The following ATP2B1 variants were observed in gnomAD, a reference collection of about 807,000 sequenced individuals.
ATP2B1 encodes plasma membrane calcium-transporting ATPase 1.
In ATP2B1, 14 loss-of-function variants were observed where a neutral mutation model predicts 124.2. That is an observed-to-expected ratio of 0.11 (90% CI 0.07 to 0.18). The LOEUF is 0.18. Ranked by LOEUF, ATP2B1 falls within the 10% of genes least tolerant of loss-of-function variation. The probability of loss-of-function intolerance (pLI) is 1.00; values close to 1 mark genes in which losing one functional copy is unlikely to be tolerated. For synonymous variants in ATP2B1, 449 were observed against 492.4 expected (o/e 0.91, Z 1.17); for missense variants, 763 against 1,466.1 (o/e 0.52, Z 7.83).
intron 9 of ATP2B1, among the ~76,000 whole-genome samples, chr12:89,622,949 G>GT (rs1449903187): frequency 5.3e-5 from 8 of 152,114 alleles, no homozygotes; most frequent in Non-Finnish European, 1.0e-4. Context: ...ACTAATGGCA[G>GT]TTCGGTAAAA....
At chr12:89,598,389 T>C (rs1319381935) in intron 20 of ATP2B1, among the ~76,000 whole-genome samples, 3 of 152,222 alleles carry the variant, frequency 2.0e-5, no homozygotes, top group Admixed American at 2.0e-4. Context: ...TAATCTTTGG[T>C]TGCAATTGTT....
At chr12:89,699,672 G>GGTGA (rs1489511236) in intron 1 of ATP2B1, among the ~76,000 whole-genome samples, 1 of 152,144 alleles carries the variant, frequency 6.6e-6, no homozygotes, top group African/African-American at 2.4e-5. Context: ...ATTTAAATCT[G>GGTGA]GTGAGTCCTT....
intron 2 of ATP2B1, among the ~76,000 whole-genome samples, chr12:89,652,741 G>T (rs963344385): frequency 2.4e-4 from 37 of 151,998 alleles, no homozygotes; most frequent in African/African-American, 8.2e-4. Flanking sequence ...CTGCTGCTGT[G>T]TTTTTTTTAT....
At chr12:89,661,731 T>G (rs1328778027) in intron 1 of ATP2B1, among the ~76,000 whole-genome samples, 2 of 152,220 alleles carry the variant, frequency 1.3e-5, no homozygotes, top group Non-Finnish European at 2.9e-5. Context: ...ATCTCCATTT[T>G]CATTGTGTGT....
intron 2 of ATP2B1, chr12:89,655,455 T>C: frequency 5.6e-6 from 3 of 532,516 alleles, no homozygotes; most frequent in Admixed American, 3.1e-5. Flanking sequence ...TGGAACAAAA[T>C]ATTTCATCCC....
chr12:89,672,121 A>C (rs530193475), intron 1 of ATP2B1, among the ~76,000 whole-genome samples: 4 of 152,300 alleles, frequency 2.6e-5, no homozygotes, highest in Admixed American at 2.6e-4. Flanking sequence ...ATCCTAAGCA[A>C]ATTGCTCTAT....
chr12:89,628,759 C>A (rs1881351218), intron 6 of ATP2B1, among the ~76,000 whole-genome samples: 1 of 152,128 alleles, frequency 6.6e-6, no homozygotes, highest in Non-Finnish European at 1.5e-5. Context: ...AAACATGGAA[C>A]AAACATGGTC....
At position 89,630,619 on chromosome 12, in the gene ATP2B1, T is replaced by C; in HGVS notation, c.814A>G (p.Arg272Gly). 1 of 1,588,472 alleles carries C rather than the reference T, an allele frequency of 6.3e-7. No homozygotes were observed. Among genetic ancestry groups the C allele is most frequent in the Non-Finnish European group, 8.6e-7 (1 of 1,166,830 alleles). Residue 272 changes from arginine (R) to glycine (G), a missense_variant, in exon 6 of 21, where the codon AGA becomes GGA. This residue lies in a region of ATP2B1 where 392 missense variants were observed against 776.6 expected (regional missense o/e 0.50). Coordinates refer to ENST00000428670, the MANE Select transcript of ATP2B1 (RefSeq NM_001366521.1). ...ACACCTACAGCTGTAACTACCATTC[T>C]TCCAGAGCCTTCCATTACATGAGTA... Reference protein sequence around the residue: ...SGTHVMEGSGRMVVTAVGVNS... With the variant: ...SGTHVMEGSGGMVVTAVGVNS...
In ATP2B1 at chr12:89,675,100, G is replaced by A. The variant is rs115099515; in HGVS notation, c.-221-18993C>T. ...AATTCTTGGGAATTTTAATCCAGAAGTGTCCTGTGTTTTAGGGATCAACAA... is the reference window on the plus strand; with the variant it reads ...AATTCTTGGGAATTTTAATCCAGAAATGTCCTGTGTTTTAGGGATCAACAA... On this transcript the variant is annotated intron_variant, in intron 1 of 20. Coordinates refer to ENST00000428670, the MANE Select transcript of ATP2B1 (RefSeq NM_001366521.1). Among the ~76,000 whole-genome samples the A allele has an allele frequency of 6.1e-3, 931 of 152,176 alleles. 14 individuals carry two copies. The highest frequency in any genetic ancestry group is 0.022 in the African/African-American group (910 of 41,520).
At chr12:89,618,826 T>C (rs1327892131) in intron 11 of ATP2B1, among the ~76,000 whole-genome samples, 3 of 152,234 alleles carry the variant, frequency 2.0e-5, no homozygotes, top group Non-Finnish European at 4.4e-5. Flanking sequence ...TTTATTTATA[T>C]ATTTGTCTCT....
chr12:89,683,348 C>T (rs1889585778), intron 1 of ATP2B1, among the ~76,000 whole-genome samples: 1 of 152,238 alleles, frequency 6.6e-6, no homozygotes. Flanking sequence ...AAGAATATCA[C>T]AGAAGCAACA....
At chr12:89,619,886 G>A (rs1011508629) in intron 11 of ATP2B1, 113 bp downstream of exon 11, 40 of 1,358,798 alleles carry the variant, frequency 2.9e-5, no homozygotes, top group Non-Finnish European at 3.7e-5. Flanking sequence ...AAAACTCTGA[G>A]GTCCTATCAA....
In ATP2B1 at chr12:89,656,047, G is replaced by A. The variant is rs78268348; in HGVS notation, c.-161C>T. ...AGCATCAGCAGCAACATTTCCCAGAGAAGTATCTTGACCTTTGGCCCATGA... is the reference window on the plus strand; with the variant it reads ...AGCATCAGCAGCAACATTTCCCAGAAAAGTATCTTGACCTTTGGCCCATGA... On this transcript the variant is annotated 5_prime_UTR_variant, in exon 2 of 21. Transcript: ENST00000428670. 6 of 685,450 alleles carry A rather than the reference G, an allele frequency of 8.8e-6. No homozygotes were observed. Among genetic ancestry groups the A allele is most frequent in the Non-Finnish European group, 2.3e-6 (1 of 427,766 alleles). The allele number at this position is 685,450 out of a possible 1,614,324, so 42.5% of individuals were successfully genotyped here.
intron 2 of ATP2B1, 52 bp downstream of exon 2, chr12:89,655,627 A>C: frequency 6.5e-7 from 1 of 1,532,048 alleles, no homozygotes; most frequent in Non-Finnish European, 9.0e-7. Flanking sequence ...TATAAGCCAA[A>C]TATATAGAAC....
At chr12:89,629,382 A>ATGTGC (rs1881476777) in intron 6 of ATP2B1, among the ~76,000 whole-genome samples, 1 of 152,164 alleles carries the variant, frequency 6.6e-6, no homozygotes, top group African/African-American at 2.4e-5. Flanking sequence ...CATTCAATAA[A>ATGTGC]TGGAATCATT....
chr12:89,593,453 C>A (rs1873972319), intron 20 of ATP2B1: 1 of 152,064 alleles, frequency 6.6e-6, no homozygotes, highest in African/African-American at 2.4e-5. Context: ...GAAGATAGAA[C>A]AACAGTTAAG....
rs1194731686 is a variant in ATP2B1 at position 89,611,524 on chromosome 12, C to G, written c.2068-152G>C. 4 of 585,602 alleles carry G rather than the reference C, an allele frequency of 6.8e-6. No homozygotes were observed. The East Asian group carries it at 1.0e-4, about 15-fold the overall frequency. 36.3% of individuals were successfully genotyped at this position (585,602 alleles called of 1,614,324 possible). A position where few individuals can be genotyped will look rare whatever the true frequency, so the allele number is the denominator to read the frequency against. ...AATGATTGATTTCATTTCCAATACTCAACATTTCTTGCACTATTTTCAATA... is the reference window on the plus strand; with the variant it reads ...AATGATTGATTTCATTTCCAATACTGAACATTTCTTGCACTATTTTCAATA... On this transcript the variant is annotated intron_variant, in intron 12 of 20. Coordinates refer to ENST00000428670, the MANE Select transcript of ATP2B1 (RefSeq NM_001366521.1).
At chr12:89,597,026 C>G (rs529761295) in intron 20 of ATP2B1, among the ~76,000 whole-genome samples, 1 of 152,226 alleles carries the variant, frequency 6.6e-6, no homozygotes, top group Non-Finnish European at 1.5e-5. Context: ...CCTGTTAAGA[C>G]AGTTTGTGTT....
intron 20 of ATP2B1, chr12:89,593,647 GA>G (rs1156854007): frequency 6.6e-6 from 1 of 152,024 alleles, no homozygotes; most frequent in African/African-American, 2.4e-5. Context: ...GAAGCTCTAA[GA>G]GGGGCAGAGT....
Sources: gnomAD v4.1 joint callset for allele counts (sites outside exome capture counted in the v4.1 genomes callset) on GRCh38, gnomAD v4.1.1 for gene constraint, gnomAD v4.1.1 regional missense constraint, MANE v1.5 for transcripts, NCBI Gene and HGNC (gene_info 2026-07-23, HGNC 2026-07-21) for gene names.